The following USF3 variants were observed in gnomAD, a reference collection of about 807,000 sequenced individuals.
The protein encoded by USF3 is basic helix-loop-helix domain-containing protein USF3.
A neutral mutation model predicts 157.5 loss-of-function variants in USF3; 29 were observed. The observed-to-expected ratio is 0.18, with a 90% CI of 0.14 to 0.25. The LOEUF (loss-of-function observed/expected upper bound fraction) is 0.25, where lower values mean the gene tolerates loss of function less well. Among genes scored for constraint, USF3 ranks in the 10% least tolerant of loss-of-function variants. USF3 has a pLI of 1.00. For synonymous variants in USF3, 893 were observed against 941.4 expected (o/e 0.95, Z 0.94); for missense variants, 2,381 against 2,667.6 (o/e 0.89, Z 2.37).
chr3:113,660,526 T>G lies in USF3; in HGVS notation c.1156A>C (p.Ile386Leu), dbSNP rs759945257. Residue 386 changes from isoleucine to leucine, a missense_variant, in exon 7 of 7, where the codon ATA becomes CTA. By Grantham distance (5) the Ile-to-Leu change is conservative. Coordinates refer to ENST00000316407, the MANE Select transcript of USF3 (RefSeq NM_001009899.4). The part of the protein sequence containing the change: ...APGVGKATIP[I>L]STLSGNPLDN... ...AAAGGGTTTCCCGAAAGAGTGCTTA[T>G]AGGAATGGTGGCCTTCCCTACTCCA... The G allele has an allele frequency of 6.2e-7, 1 of 1,614,164 alleles. No homozygotes were observed. Among genetic ancestry groups the G allele is most frequent in the Non-Finnish European group, 8.5e-7 (1 of 1,180,026 alleles).
At chr3:113,671,897 T>G (rs1707160921) in intron 4 of USF3, among the ~76,000 whole-genome samples, 1 of 150,482 alleles carries the variant, frequency 6.6e-6, no homozygotes, top group African/African-American at 2.4e-5. Context: ...GCCTCCAGAG[T>G]AGCTGGAACC....
intron 1 of USF3, among the ~76,000 whole-genome samples, chr3:113,680,719 T>G (rs895227667): frequency 1.3e-5 from 2 of 151,316 alleles, no homozygotes; most frequent in African/African-American, 2.4e-5. Context: ...GAGAATCACT[T>G]GAACCCGGGA....
At position 113,648,651 on chromosome 3, in the gene USF3, A is replaced by G. The variant is rs1363469632; in HGVS notation, c.*6293T>C. 2 of 152,602 alleles carry G rather than the reference A, an allele frequency of 1.3e-5. No individual in the cohort carries two copies. The highest frequency in any genetic ancestry group is 2.9e-5 in the Non-Finnish European group (2 of 68,026). The allele number at this position is 152,602 out of a possible 1,614,324, so 9.5% of individuals were successfully genotyped here. On this transcript the variant is annotated 3_prime_UTR_variant, in exon 7 of 7. Transcript: ENST00000316407. ...TGCTCTGGATTCCATTACAAAACAA[A>G]TTAGTTTCCATAAGAATTATAAACC...
chr3:113,680,220 TTGGGTCC>T (rs1181164365), intron 1 of USF3, among the ~76,000 whole-genome samples: 2 of 152,018 alleles, frequency 1.3e-5, no homozygotes, highest in African/African-American at 4.8e-5. Context: ...AGTGAAGCTA[TTGGGTCC>T]TGGGCTTTTC....
chr3:113,669,396 T>C (rs1339992896), intron 5 of USF3, among the ~76,000 whole-genome samples: 1 of 152,072 alleles, frequency 6.6e-6, no homozygotes, highest in Non-Finnish European at 1.5e-5. Context: ...AGGTAGGAGA[T>C]TAATGTTTGT....
At chr3:113,688,955 T>C (rs908429875) in intron 1 of USF3, among the ~76,000 whole-genome samples, 6 of 152,054 alleles carry the variant, frequency 3.9e-5, no homozygotes, top group Admixed American at 3.9e-4. Flanking sequence ...GGTATGAACC[T>C]GGGAGGCGGA....
At chr3:113,686,496 A>C (rs1321396630) in intron 1 of USF3, among the ~76,000 whole-genome samples, 1 of 152,158 alleles carries the variant, frequency 6.6e-6, no homozygotes, top group African/African-American at 2.4e-5. Flanking sequence ...CACTATGTTG[A>C]GCAAACTGGT....
At position 113,659,971 on chromosome 3, in the gene USF3, C is replaced by T. The variant is rs1466597519; in HGVS notation, c.1711G>A (p.Val571Ile). 1 of 1,614,222 alleles carries T rather than the reference C, an allele frequency of 6.2e-7. No homozygotes were observed. The change falls in exon 7 of 7, where the codon GTT (valine) becomes ATT (isoleucine). Residue 571 changes from valine (V) to isoleucine (I), a missense_variant. Val to Ile is a conservative substitution (Grantham distance 29, BLOSUM62 3). Around this residue, in one of 6 missense-constraint regions of USF3, gnomAD observed 1,435 missense variants for 1,550.9 expected, o/e 0.93. Transcript: ENST00000316407. Reference sequence around the variant, plus strand: ...TGTTGACCTACTGTTTGGTTGGAAACTTCTGCCCTCATCACTGTTGGGCAT... The same window carrying T: ...TGTTGACCTACTGTTTGGTTGGAAATTTCTGCCCTCATCACTGTTGGGCAT... Reference protein sequence around the residue: ...TPCPTVMRAEVSNQTVGQQIV... With the variant: ...TPCPTVMRAEISNQTVGQQIV...
At chr3:113,687,582 C>T (rs545241328) in intron 1 of USF3, among the ~76,000 whole-genome samples, 1 of 152,332 alleles carries the variant, frequency 6.6e-6, no homozygotes, top group South Asian at 2.1e-4. Context: ...TTTATACTTA[C>T]ATCTCTGATT....
At position 113,658,144 on chromosome 3, in the gene USF3, T is replaced by A. The variant is rs745996724; in HGVS notation, c.3538A>T (p.Ile1180Leu). Residue 1180 changes from isoleucine to leucine, a missense_variant, in exon 7 of 7, where the codon ATA becomes TTA. Coordinates refer to ENST00000316407, the MANE Select transcript of USF3 (RefSeq NM_001009899.4). The stretch of plus-strand genomic sequence containing the variant: ...TGTCCTGTGCCACTCTCTTTAGGTA[T>A]CTGTGATTTGAAGGGTGGGTCTCCC... ...LEGDPPFKSQ[I>L]PKESGTGQAE... The A allele has an allele frequency of 8.7e-6, 14 of 1,614,076 alleles. No individual in the cohort carries two copies. Among genetic ancestry groups the A allele is most frequent in the Non-Finnish European group, 5.1e-6 (6 of 1,180,032 alleles).
At position 113,658,672 on chromosome 3, in the gene USF3, A is replaced by G; in HGVS notation, c.3010T>C (p.Leu1004=). 6.2e-7 allele frequency: 1 copy of G among 1,614,098 alleles called. No individual in the cohort carries two copies. Among genetic ancestry groups the G allele is most frequent in the Non-Finnish European group, 8.5e-7 (1 of 1,179,990 alleles). ...QTTGLLKGQG[L]TTLLSDLAKK... ...GCAAGATCAGATAGCAATGTAGTTA[A>G]ACCTTGCCCCTTTAAGAGACCTGTG... Residue 1004 remains leucine (L), a synonymous_variant, in exon 7 of 7, where the codon TTA becomes CTA. Coordinates refer to ENST00000316407, the MANE Select transcript of USF3 (RefSeq NM_001009899.4).
In USF3 at chr3:113,678,208, G is replaced by C. The variant is rs74543844; in HGVS notation, c.-134-811C>G. On this transcript the variant is annotated intron_variant, in intron 1 of 6. Coordinates refer to ENST00000316407, the MANE Select transcript of USF3 (RefSeq NM_001009899.4). ...ACACAGGCAGTTACCTTTAACTGGT[G>C]AAAGTTCAAGCATCTGACCAATACC... 7.2e-4 allele frequency among the ~76,000 whole-genome samples: 110 copies of C among 152,262 alleles called. 2 individuals are homozygous for C. Among genetic ancestry groups the C allele is most frequent in the Non-Finnish European group, 1.2e-3 (82 of 68,028 alleles).
At chr3:113,695,872 A>G (rs1181702760) in intron 1 of USF3, among the ~76,000 whole-genome samples, 4 of 152,248 alleles carry the variant, frequency 2.6e-5, no homozygotes, top group African/African-American at 9.6e-5. Flanking sequence ...AAAAGAAAAC[A>G]CAAGCCTAAC....
In USF3 at chr3:113,660,276, T is replaced by C. The variant is rs1392159047; in HGVS notation, c.1406A>G (p.Asn469Ser). The C allele has an allele frequency of 6.2e-7, 1 of 1,614,102 alleles. No individual in the cohort carries two copies. Among genetic ancestry groups the C allele is most frequent in the South Asian group, 1.1e-5 (1 of 91,080 alleles). Residue 469 changes from asparagine to serine, a missense_variant, in exon 7 of 7, where the codon AAC becomes AGC. Around this residue, in one of 6 missense-constraint regions of USF3, gnomAD observed 1,435 missense variants for 1,550.9 expected, o/e 0.93. Coordinates refer to ENST00000316407, the MANE Select transcript of USF3 (RefSeq NM_001009899.4). Reference sequence around the variant, plus strand: ...GTCTGTAGCCACATATCTACTGTGGTTGCTTGTGGTGGGGCTAGTACCAGA... The same window carrying C: ...GTCTGTAGCCACATATCTACTGTGGCTGCTTGTGGTGGGGCTAGTACCAGA... ...NESGTSPTTS[N>S]HSRYVATDIN...
In USF3 at chr3:113,649,469, C is replaced by T; in HGVS notation, c.*5475G>A. On this transcript the variant is annotated 3_prime_UTR_variant, in exon 7 of 7. Transcript: ENST00000316407. ...ATGTTGAATGACCACCACATACAAG[C>T]TCTGAGTTTAACAGGAGTTTTGCTA... The T allele has an allele frequency of 5.1e-6, 1 of 197,418 alleles. No homozygotes were observed. Among genetic ancestry groups the T allele is most frequent in the Non-Finnish European group, 1.0e-5 (1 of 98,078 alleles). The allele number at this position is 197,418 out of a possible 1,614,324, so 12.2% of individuals were successfully genotyped here.
Position 113,652,998 on chromosome 3 carries a change from G to T in USF3, c.*1946C>A. 9.5e-7 allele frequency: 1 copy of T among 1,050,448 alleles called. No homozygotes were observed. 65.1% of individuals were successfully genotyped at this position (1,050,448 alleles called of 1,614,324 possible). On this transcript the variant is annotated 3_prime_UTR_variant, in exon 7 of 7. Coordinates refer to ENST00000316407, the MANE Select transcript of USF3 (RefSeq NM_001009899.4). The stretch of plus-strand genomic sequence containing the variant: ...AACTTGAAAAAGGAATATTCAAGGT[G>T]CTGTTCCTGGTGTTAGTTGCACCTA...
At position 113,652,097 on chromosome 3, in the gene USF3, G is replaced by GAA. The variant is rs1947269427; in HGVS notation, c.*2846_*2847insTT. ...TTAACAGCCACTGGAGAGAGAGAGA[G>GAA]AGAGAGAGAGAGTGTGTGTGTGTGT... is the stretch of plus-strand genomic sequence containing the variant. On this transcript the variant is annotated 3_prime_UTR_variant, in exon 7 of 7. Coordinates refer to ENST00000316407, the MANE Select transcript of USF3 (RefSeq NM_001009899.4). The GAA allele has an allele frequency of 7.7e-6, 1 of 129,292 alleles. No homozygotes were observed. Among genetic ancestry groups the GAA allele is most frequent in the South Asian group, 2.4e-4 (1 of 4,250 alleles). The allele number at this position is 129,292 out of a possible 1,614,324, so 8.0% of individuals were successfully genotyped here.
rs575167656 is a variant in USF3 at position 113,665,682 on chromosome 3, G to T, written c.160-1273C>A. Among the ~76,000 whole-genome samples, 5 of 151,978 alleles carry T rather than the reference G, an allele frequency of 3.3e-5. No individual in the cohort carries two copies. The South Asian group carries it at 1.0e-3, about 32-fold the overall frequency. The stretch of plus-strand genomic sequence containing the variant: ...CTCTATCAAAATTACAAAAAAATTA[G>T]CCAGGCATGGTGGCGCACACCTGTA... On this transcript the variant is annotated intron_variant, in intron 5 of 6. Transcript: ENST00000316407.
chr3:113,658,540 T>G lies in USF3; in HGVS notation c.3142A>C (p.Lys1048Gln), dbSNP rs758574241. 21 of 1,613,980 alleles carry G rather than the reference T, an allele frequency of 1.3e-5. No individual in the cohort carries two copies. The Admixed American group carries it at 1.5e-4, about 12-fold the overall frequency. ...TTGTTCATCAGTAATAGTTCCTGTTTGGGATGTAAATTCACACTTGAATCA... is the reference window on the plus strand; with the variant it reads ...TTGTTCATCAGTAATAGTTCCTGTTGGGGATGTAAATTCACACTTGAATCA... Reference protein sequence around the residue: ...IVDSSVNLHPKQELLLMNNDD... With the variant: ...IVDSSVNLHPQQELLLMNNDD... The change falls in exon 7 of 7, where the codon AAA becomes CAA. Residue 1048 changes from lysine to glutamine, a missense_variant. Lys to Gln is a moderately conservative substitution (Grantham distance 53). Coordinates refer to ENST00000316407, the MANE Select transcript of USF3 (RefSeq NM_001009899.4).
Sources: gnomAD v4.1 joint callset for allele counts (sites outside exome capture counted in the v4.1 genomes callset) on GRCh38, gnomAD v4.1.1 for gene constraint, gnomAD v4.1.1 regional missense constraint, MANE v1.5 for transcripts, NCBI Gene and HGNC (gene_info 2026-07-23, HGNC 2026-07-21) for gene names.